CASP9: variants seen among roughly 807,000 people sequenced by gnomAD.
CASP9 encodes the protein caspase 9, also known as caspase-9.
In CASP9, 29 loss-of-function variants were observed where a neutral mutation model predicts 43.5. The observed-to-expected ratio is 0.67, with a 90% CI of 0.50 to 0.91. The LOEUF (loss-of-function observed/expected upper bound fraction) is 0.91. Ranked by LOEUF, CASP9 falls within the 40% of genes least tolerant of loss-of-function variation. The pLI is 0.00. For missense variants in CASP9, 575 were observed against 537.4 expected, an observed-to-expected ratio of 1.07 and a Z score of -0.69; for synonymous variants, 206 against 211.9, an observed-to-expected ratio of 0.97 and a Z score of 0.24.
In CASP9 at chr1:15,492,848, C is replaced by T. The variant is rs966465919; in HGVS notation, c.*95G>A. ...CAGACCCTGTGCCGGCTGCAAAGTC[C>T]TTGAGTTGCAGGAAAGTCCAGGCCT... On this transcript the variant is annotated 3_prime_UTR_variant, in exon 9 of 9. Transcript: ENST00000333868. The T allele has an allele frequency of 2.7e-5, 41 of 1,534,458 alleles. No individual in the cohort carries two copies. Among genetic ancestry groups the T allele is most frequent in the Non-Finnish European group, 3.3e-5 (38 of 1,141,686 alleles).
chr1:15,495,126 A>G, intron 7 of CASP9, 147 bp downstream of exon 7: 1 of 746,792 alleles, frequency 1.3e-6, no homozygotes, highest in Non-Finnish European at 2.1e-6. Flanking sequence ...GCCGAGGCTC[A>G]GAGAGAAGTA....
chr1:15,501,591 C>A (rs905056096), intron 6 of CASP9, among the ~76,000 whole-genome samples: 1 of 152,150 alleles, frequency 6.6e-6, no homozygotes, highest in Non-Finnish European at 1.5e-5. Flanking sequence ...GTGGCGCCAC[C>A]ATGTGGTAAC....
At chr1:15,515,270 G>A (rs1002492198) in intron 2 of CASP9, among the ~76,000 whole-genome samples, 5 of 152,310 alleles carry the variant, frequency 3.3e-5, no homozygotes, top group Non-Finnish European at 5.9e-5. Context: ...GCCAATTCCA[G>A]AACCAGTCTT....
At chr1:15,511,914 G>C (rs1306301188) in intron 2 of CASP9, among the ~76,000 whole-genome samples, 1 of 151,920 alleles carries the variant, frequency 6.6e-6, no homozygotes, top group African/African-American at 2.4e-5. Context: ...TGGCAATTTA[G>C]AAATCACAGA....
intron 6 of CASP9, 45 bp from the exon 7 acceptor site, chr1:15,495,497 G>C (rs770766599): frequency 1.4e-6 from 2 of 1,478,282 alleles, no homozygotes; most frequent in East Asian, 2.4e-5. Flanking sequence ...GAAATACACA[G>C]ACAAGGATGG....
Position 15,497,031 on chromosome 1 carries a change from C to T in CASP9, c.869-1579G>A, listed in dbSNP as rs150613712. The stretch of plus-strand genomic sequence containing the variant: ...CCCAGTCTCAAAAAAGAAAAAGAGC[C>T]GGGCACAGTGGCTCACACCTGTAAT... On this transcript the variant is annotated intron_variant, in intron 6 of 8. Coordinates refer to ENST00000333868, the MANE Select transcript of CASP9 (RefSeq NM_001229.5). Among the ~76,000 whole-genome samples, 1,198 of 151,852 alleles carry T rather than the reference C, an allele frequency of 7.9e-3. 13 individuals carry two copies. Among genetic ancestry groups the T allele is most frequent in the African/African-American group, 0.027 (1,101 of 41,414 alleles).
At chr1:15,502,770 G>A (rs911591871) in intron 6 of CASP9, among the ~76,000 whole-genome samples, 11 of 152,378 alleles carry the variant, frequency 7.2e-5, no homozygotes, top group East Asian at 1.9e-4. Flanking sequence ...TGCTCAGCCT[G>A]CATTCCTAAT....
At chr1:15,502,558 C>G (rs1457398626) in intron 6 of CASP9, among the ~76,000 whole-genome samples, 1 of 152,116 alleles carries the variant, frequency 6.6e-6, no homozygotes, top group East Asian at 1.9e-4. Context: ...CTGGGCCGTG[C>G]TGGGGACTCG....
chr1:15,518,940 T>C (rs1044032253), intron 1 of CASP9, among the ~76,000 whole-genome samples: 24 of 151,786 alleles, frequency 1.6e-4, no homozygotes, highest in African/African-American at 4.8e-4. Context: ...ACTGGTGCAA[T>C]CTCAGCTCAC....
intron 7 of CASP9, among the ~76,000 whole-genome samples, chr1:15,494,921 C>T (rs1016122549): frequency 1.3e-5 from 2 of 149,824 alleles, no homozygotes; most frequent in African/African-American, 4.9e-5. Context: ...GCAACTACTA[C>T]GTGCCCCGCA....
At chr1:15,493,841 G>A (rs749981165) in intron 8 of CASP9, 51 bp downstream of exon 8, 10 of 1,551,424 alleles carry the variant, frequency 6.4e-6, no homozygotes, top group East Asian at 2.4e-5. Flanking sequence ...AGGAGGACAC[G>A]CTGCCCCTCA....
At position 15,511,996 on chromosome 1, in the gene CASP9, C is replaced by T. The variant is rs547227508; in HGVS notation, c.419-4089G>A. 5.8e-4 allele frequency among the ~76,000 whole-genome samples: 89 copies of T among 152,330 alleles called. 1 individual carries two copies. Among genetic ancestry groups the T allele is most frequent in the African/African-American group, 2.1e-3 (87 of 41,566 alleles). On this transcript the variant is annotated intron_variant, in intron 2 of 8. Transcript: ENST00000333868. ...GCCCCATGTGAAGTCCCTCCACACA[C>T]TGCCTCATTTACTCCTCAGAGCAGG...
chr1:15,522,108 C>G (rs1710226140), intron 1 of CASP9, among the ~76,000 whole-genome samples: 1 of 152,190 alleles, frequency 6.6e-6, no homozygotes, highest in South Asian at 2.1e-4. Context: ...TTTTCTCCCT[C>G]AATAACTTTA....
At chr1:15,507,844 C>G in intron 3 of CASP9, 29 bp downstream of exon 3, 2 of 1,612,240 alleles carry the variant, frequency 1.2e-6, no homozygotes, top group Non-Finnish European at 1.7e-6. Flanking sequence ...AGAGCCCGAG[C>G]TACTGGCCCA....
intron 7 of CASP9, 66 bp downstream of exon 7, chr1:15,495,207 C>A (rs545014846): frequency 7.5e-6 from 11 of 1,459,476 alleles, no homozygotes; most frequent in Middle Eastern, 1.8e-4. Context: ...TCTCACCACA[C>A]AGCTGCCTCT....
At chr1:15,493,267 A>G (rs1708960586) in intron 8 of CASP9, 1 of 1,388,340 alleles carries the variant, frequency 7.2e-7, no homozygotes, top group Admixed American at 3.2e-5. Flanking sequence ...AATATTTGCA[A>G]GGAGCCAGGA....
chr1:15,509,922 G>A (rs1709691097), intron 2 of CASP9, among the ~76,000 whole-genome samples: 1 of 152,062 alleles, frequency 6.6e-6, no homozygotes, highest in Non-Finnish European at 1.5e-5. Flanking sequence ...AGCCTAAAAG[G>A]TTATGAGATG....
At chr1:15,508,983 A>T (rs538822548) in intron 2 of CASP9, among the ~76,000 whole-genome samples, 19 of 152,334 alleles carry the variant, frequency 1.2e-4, no homozygotes, top group African/African-American at 4.6e-4. Context: ...TTCGCACCAC[A>T]TGCAAATGGC....
At chr1:15,518,679 C>A (rs890048997) in intron 1 of CASP9, among the ~76,000 whole-genome samples, 1 of 152,196 alleles carries the variant, frequency 6.6e-6, no homozygotes, top group African/African-American at 2.4e-5. Context: ...GACAAATCAG[C>A]AATGACACAA....
Sources: gnomAD v4.1 joint callset for allele counts (sites outside exome capture counted in the v4.1 genomes callset) on GRCh38, gnomAD v4.1.1 for gene constraint, MANE v1.5 for transcripts, NCBI Gene and HGNC (gene_info 2026-07-23, HGNC 2026-07-21) for gene names.